Variants in RXFP1 observed in about 807,000 individuals in gnomAD.
RXFP1 encodes the protein relaxin receptor 1.
A neutral mutation model predicts 89.8 loss-of-function variants in RXFP1; 73 were observed. The ratio of observed to expected loss-of-function variants is 0.81; its 90% CI spans 0.67 to 0.99. RXFP1 has a LOEUF of 0.99. RXFP1 is among the 50% of genes least tolerant of loss of function. The pLI is 0.00. For synonymous variants in RXFP1, 277 were observed against 305.5 expected, an observed-to-expected ratio of 0.91 and a Z score of 0.97; for missense variants, 793 against 895.5, an observed-to-expected ratio of 0.89 and a Z score of 1.46.
At chr4:158,603,073 G>A (rs1231706643) in intron 4 of RXFP1, among the ~76,000 whole-genome samples, 2 of 152,082 alleles carry the variant, frequency 1.3e-5, no homozygotes, top group Non-Finnish European at 2.9e-5. Flanking sequence ...TGAGACTACT[G>A]GCATGCACCA....
At chr4:158,552,833 A>G (rs1446705993) in intron 1 of RXFP1, among the ~76,000 whole-genome samples, 3 of 152,222 alleles carry the variant, frequency 2.0e-5, no homozygotes, top group Non-Finnish European at 4.4e-5. Context: ...TTACAACTAG[A>G]GGTTAATGTT....
chr4:158,632,910 G>A (rs772051686), intron 11 of RXFP1, among the ~76,000 whole-genome samples: 3 of 152,166 alleles, frequency 2.0e-5, no homozygotes, highest in Admixed American at 6.5e-5. Context: ...AGTGGCTCAC[G>A]CCTGTAATCC....
chr4:158,581,457 C>G (rs1757346614), intron 2 of RXFP1, among the ~76,000 whole-genome samples: 1 of 152,128 alleles, frequency 6.6e-6, no homozygotes, highest in African/African-American at 2.4e-5. Flanking sequence ...AAACAAATCT[C>G]TTATTGATAA....
intron 13 of RXFP1, among the ~76,000 whole-genome samples, chr4:158,638,313 T>C (rs180887701): frequency 6.6e-6 from 1 of 152,308 alleles, no homozygotes; most frequent in Non-Finnish European, 1.5e-5. Flanking sequence ...CTATAAGTCA[T>C]TAGGAGCTTA....
At chr4:158,577,688 T>C (rs552933025) in intron 2 of RXFP1, among the ~76,000 whole-genome samples, 1 of 152,122 alleles carries the variant, frequency 6.6e-6, no homozygotes, top group African/African-American at 2.4e-5. Flanking sequence ...GAAAAATAAG[T>C]CAAATGGAAA....
Position 158,527,564 on chromosome 4 carries a change from A to ATATATATATAT in RXFP1, c.49+5539_49+5540insTATATATATAT, listed in dbSNP as rs1553989393. ...ATCTCCCCCGCTCCAAAAAAAAAAA[A>ATATATATATAT]ATATATATATATATGTATATATATA... On this transcript the variant is annotated intron_variant, in intron 1 of 17. Coordinates refer to ENST00000307765, the MANE Select transcript of RXFP1 (RefSeq NM_021634.4). Among the ~76,000 whole-genome samples, 598 of 98,318 alleles carry ATATATATATAT rather than the reference A, an allele frequency of 6.1e-3. 3 individuals are homozygous for ATATATATATAT. Among genetic ancestry groups the ATATATATATAT allele is most frequent in the African/African-American group, 0.01 (291 of 28,524 alleles). The allele number at this position is 98,318 out of a possible 152,430, so 64.5% of individuals were successfully genotyped here. A position where few individuals can be genotyped will look rare whatever the true frequency, so the allele number is the denominator to read the frequency against.
At chr4:158,627,306 C>A in intron 10 of RXFP1, among the ~76,000 whole-genome samples, 1 of 151,990 alleles carries the variant, frequency 6.6e-6, no homozygotes. Context: ...AAAAAAAAAT[C>A]CAACTCTCCT....
At chr4:158,522,071 G>GTTATTCCACA in intron 1 of RXFP1, 46 bp downstream of exon 1, 1 of 1,154,500 alleles carries the variant, frequency 8.7e-7, no homozygotes, top group Non-Finnish European at 1.3e-6. Context: ...GTATTTTGTG[G>GTTATTCCACA]AATAACCACA....
At chr4:158,522,723 A>C (rs1741489410) in intron 1 of RXFP1, among the ~76,000 whole-genome samples, 1 of 152,218 alleles carries the variant, frequency 6.6e-6, no homozygotes, top group Admixed American at 6.5e-5. Flanking sequence ...ACAGAAATAA[A>C]GTGTTTTTGT....
intron 12 of RXFP1, among the ~76,000 whole-genome samples, chr4:158,634,622 CT>C (rs1180999356): frequency 6.6e-6 from 1 of 152,068 alleles, no homozygotes; most frequent in Non-Finnish European, 1.5e-5. Flanking sequence ...TGTCATGAAG[CT>C]TTTCCTGTAT....
intron 9 of RXFP1, among the ~76,000 whole-genome samples, chr4:158,624,327 GC>G (rs1357888688): frequency 1.3e-5 from 2 of 152,140 alleles, no homozygotes; most frequent in East Asian, 3.9e-4. Flanking sequence ...TGAAATAGGA[GC>G]CAGAAATGTA....
At chr4:158,550,180 G>A (rs1194317641) in intron 1 of RXFP1, among the ~76,000 whole-genome samples, 3 of 152,342 alleles carry the variant, frequency 2.0e-5, no homozygotes, top group Middle Eastern at 3.4e-3. Flanking sequence ...CCTCTCTGCT[G>A]CCTTGCAGTT....
intron 4 of RXFP1, among the ~76,000 whole-genome samples, chr4:158,602,614 GTTA>G (rs1259575279): frequency 1.3e-5 from 2 of 151,728 alleles, no homozygotes; most frequent in African/African-American, 2.4e-5. Flanking sequence ...TAAGACTGAA[GTTA>G]TTATTCAAAG....
intron 1 of RXFP1, among the ~76,000 whole-genome samples, chr4:158,568,297 T>C (rs757474003): frequency 3.1e-4 from 47 of 152,322 alleles, no homozygotes; most frequent in Admixed American, 1.5e-3. Flanking sequence ...AATACAATCA[T>C]TGAGGAGCTA....
intron 9 of RXFP1, among the ~76,000 whole-genome samples, chr4:158,622,662 T>C (rs1765841896): frequency 1.3e-5 from 2 of 152,282 alleles, no homozygotes; most frequent in African/African-American, 2.4e-5. Flanking sequence ...AATTTCTTTT[T>C]AAGTTGAACA....
chr4:158,545,279 C>A (rs1579478568), intron 1 of RXFP1, among the ~76,000 whole-genome samples: 1 of 152,126 alleles, frequency 6.6e-6, no homozygotes, highest in African/African-American at 2.4e-5. Context: ...ATCCTTCGCC[C>A]ACTTTTTGAT....
At position 158,638,277 on chromosome 4, in the gene RXFP1, A is replaced by T. The variant is rs12643757; in HGVS notation, c.1043+198A>T. ...ATCTTATATACTTGTAAATTAAAAA[A>T]TAATGATGAATTATTTTATATTTTT... On this transcript the variant is annotated intron_variant, in intron 13 of 17. Coordinates refer to ENST00000307765, the MANE Select transcript of RXFP1 (RefSeq NM_021634.4). 1.0e-3 allele frequency among the ~76,000 whole-genome samples: 153 copies of T among 152,342 alleles called. No individual in the cohort carries two copies. In the East Asian group the frequency reaches 0.025, roughly 25 times the overall value.
intron 2 of RXFP1, among the ~76,000 whole-genome samples, chr4:158,574,525 T>C (rs904164566): frequency 6.6e-6 from 1 of 152,210 alleles, no homozygotes; most frequent in African/African-American, 2.4e-5. Flanking sequence ...TCTAAAGTGG[T>C]ATAAGGTAAA....
chr4:158,530,810 C>G (rs9307977), intron 1 of RXFP1, among the ~76,000 whole-genome samples: 141,444 of 152,222 alleles, frequency 0.93, 66,573 homozygotes, highest in East Asian at 1. Flanking sequence ...GATTGTTTTT[C>G]TTTGTTGATA....
Sources: allele counts gnomAD v4.1 joint callset (sites outside exome capture counted in the v4.1 genomes callset), GRCh38; gene constraint gnomAD v4.1.1; transcripts MANE v1.5; gene names NCBI Gene and HGNC (gene_info 2026-07-23, HGNC 2026-07-21).